CFDP1: variants seen among roughly 807,000 people sequenced by gnomAD.
The protein encoded by CFDP1 is heterochromatin-stabilizing protein CFDP1.
In CFDP1, 31 loss-of-function variants were observed where a neutral mutation model predicts 40.1. The observed-to-expected ratio is 0.77, with a 90% CI of 0.58 to 1.04. The LOEUF is 1.04. Ranked by LOEUF, CFDP1 falls within the 50% of genes least tolerant of loss-of-function variation. CFDP1 has a pLI of 0.00. For synonymous variants in CFDP1, 167 were observed against 120.0 expected, an observed-to-expected ratio of 1.39 and a Z score of -2.56; for missense variants, 423 against 343.4, an observed-to-expected ratio of 1.23 and a Z score of -1.83.
intron 5 of CFDP1, among the ~76,000 whole-genome samples, chr16:75,344,666 G>A (rs918715765): frequency 6.6e-6 from 1 of 152,180 alleles, no homozygotes; most frequent in Non-Finnish European, 1.5e-5. Context: ...GGGCACAGTG[G>A]CTCACACCTG....
At chr16:75,402,051 A>G (rs982815683) in intron 4 of CFDP1, among the ~76,000 whole-genome samples, 1 of 152,324 alleles carries the variant, frequency 6.6e-6, no homozygotes, top group East Asian at 1.9e-4. Context: ...ACACTGGTAT[A>G]TTTATCTCAG....
chr16:75,403,548 C>T (rs907564150), intron 4 of CFDP1, among the ~76,000 whole-genome samples: 4 of 152,056 alleles, frequency 2.6e-5, no homozygotes, highest in African/African-American at 7.2e-5. Flanking sequence ...CAGTTATTTA[C>T]CAGCTTTTTG....
intron 5 of CFDP1, among the ~76,000 whole-genome samples, chr16:75,320,928 T>C (rs1481493578): frequency 1.3e-5 from 2 of 152,194 alleles, no homozygotes; most frequent in Non-Finnish European, 2.9e-5. Context: ...ACTTGTACTC[T>C]GGAAGAATGC....
At chr16:75,384,637 A>C (rs899730254) in intron 5 of CFDP1, among the ~76,000 whole-genome samples, 36 of 152,210 alleles carry the variant, frequency 2.4e-4, no homozygotes, top group African/African-American at 7.9e-4. Flanking sequence ...GAACATAAAA[A>C]ACATATGTGT....
At chr16:75,425,259 C>T (rs1474412146) in intron 1 of CFDP1, among the ~76,000 whole-genome samples, 5 of 151,836 alleles carry the variant, frequency 3.3e-5, no homozygotes, top group African/African-American at 7.3e-5. Context: ...TGGTGGCACA[C>T]GTCTGTAGTA....
intron 5 of CFDP1, 95 bp from the exon 6 acceptor site, chr16:75,305,277 G>A: frequency 7.9e-7 from 1 of 1,271,936 alleles, no homozygotes; most frequent in Non-Finnish European, 1.1e-6. Context: ...CTAGATTGGG[G>A]CCATTTATCT....
intron 3 of CFDP1, 70 bp downstream of exon 3, chr16:75,412,465 G>T: frequency 8.2e-7 from 1 of 1,215,796 alleles, no homozygotes; most frequent in Non-Finnish European, 1.2e-6. Flanking sequence ...GTCGATTTCC[G>T]TAGGCTTCAA....
At chr16:75,346,808 C>G (rs1422631572) in intron 5 of CFDP1, among the ~76,000 whole-genome samples, 1 of 151,152 alleles carries the variant, frequency 6.6e-6, no homozygotes, top group African/African-American at 2.4e-5. Context: ...TTCCTCTTCT[C>G]TGAGGTGGTA....
chr16:75,405,047 TTG>T (rs1364923132), intron 4 of CFDP1, among the ~76,000 whole-genome samples: 2 of 152,178 alleles, frequency 1.3e-5, no homozygotes, highest in Admixed American at 6.5e-5. Flanking sequence ...GGCACAGAAA[TTG>T]TGAGTATTTA....
At chr16:75,327,093 C>T (rs2078407439) in intron 5 of CFDP1, among the ~76,000 whole-genome samples, 1 of 152,194 alleles carries the variant, frequency 6.6e-6, no homozygotes, top group South Asian at 2.1e-4. Context: ...ACGGTGAAAC[C>T]CTGTCTCTAC....
chr16:75,420,881 G>A lies in CFDP1; in HGVS notation c.65-6186C>T, dbSNP rs118081397. Among the ~76,000 whole-genome samples the A allele has an allele frequency of 6.6e-3, 998 of 152,178 alleles. 17 individuals are homozygous for A. Among genetic ancestry groups the A allele is most frequent in the Non-Finnish European group, 8.3e-3 (567 of 67,998 alleles). On this transcript the variant is annotated intron_variant, in intron 1 of 6. Transcript: ENST00000283882. ...TAAGTGATTTTTAATTTAACTGTCTGCATTTTCTAATTTTCTATAAAGCTC... is the reference window on the plus strand; with the variant it reads ...TAAGTGATTTTTAATTTAACTGTCTACATTTTCTAATTTTCTATAAAGCTC...
chr16:75,363,389 C>T (rs4887820), intron 5 of CFDP1, among the ~76,000 whole-genome samples: 78,300 of 150,952 alleles, frequency 0.52, 21,362 homozygotes, highest in Admixed American at 0.64. Context: ...GCAGGAAGCA[C>T]TTTACCTTTT....
At chr16:75,416,851 T>TAAAGCC (rs58405066) in intron 1 of CFDP1, among the ~76,000 whole-genome samples, 78,281 of 151,514 alleles carry the variant, frequency 0.52, 21,219 homozygotes, top group Admixed American at 0.64. Flanking sequence ...GTGGAAACAA[T>TAAAGCC]CAATATCCAA....
At chr16:75,418,435 T>A (rs1443279167) in intron 1 of CFDP1, among the ~76,000 whole-genome samples, 3 of 151,410 alleles carry the variant, frequency 2.0e-5, no homozygotes, top group Non-Finnish European at 4.4e-5. Flanking sequence ...GCCTCCCGTG[T>A]AGGTGGGACT....
intron 2 of CFDP1, among the ~76,000 whole-genome samples, chr16:75,413,608 A>G (rs907427689): frequency 1.3e-5 from 2 of 151,654 alleles, no homozygotes; most frequent in Non-Finnish European, 1.5e-5. Flanking sequence ...CCCAAGACTT[A>G]TAAGAGTATA....
At chr16:75,392,321 C>A (rs1400231459) in intron 5 of CFDP1, among the ~76,000 whole-genome samples, 2 of 151,978 alleles carry the variant, frequency 1.3e-5, no homozygotes, top group Non-Finnish European at 2.9e-5. Flanking sequence ...AGGAGAATGG[C>A]TTGAACCCAG....
intron 1 of CFDP1, among the ~76,000 whole-genome samples, chr16:75,427,122 A>G (rs1015854204): frequency 3.3e-5 from 5 of 152,168 alleles, no homozygotes; most frequent in African/African-American, 4.8e-5. Context: ...AACTGAAAAC[A>G]ACCCAATGTT....
At chr16:75,412,182 C>G (rs537191533) in intron 3 of CFDP1, among the ~76,000 whole-genome samples, 1 of 152,246 alleles carries the variant, frequency 6.6e-6, no homozygotes, top group Admixed American at 6.5e-5. Context: ...CCACACCCAG[C>G]TAATTTTTGT....
intron 5 of CFDP1, among the ~76,000 whole-genome samples, chr16:75,392,784 A>T (rs1170159033): frequency 2.6e-5 from 4 of 152,256 alleles, no homozygotes; most frequent in Non-Finnish European, 5.9e-5. Context: ...TCCAAACCAC[A>T]GCTTACAAAG....
Sources: allele counts gnomAD v4.1 joint callset (sites outside exome capture counted in the v4.1 genomes callset), GRCh38; gene constraint gnomAD v4.1.1; transcripts MANE v1.5; gene names NCBI Gene and HGNC (gene_info 2026-07-23, HGNC 2026-07-21).